RASAL2: variants seen among roughly 807,000 people sequenced by gnomAD.
The protein encoded by RASAL2 is RAS protein activator like 2.
A neutral mutation model predicts 128.9 loss-of-function variants in RASAL2; 58 were observed. That is an observed-to-expected ratio of 0.45 (90% CI 0.36 to 0.56). The LOEUF is 0.56. RASAL2 is among the 20% of genes least tolerant of loss of function. The pLI is 0.00. For synonymous variants in RASAL2, 561 were observed against 580.8 expected (o/e 0.97, Z 0.49); for missense variants, 1,360 against 1,601.6 (o/e 0.85, Z 2.57).
At chr1:178,218,393 T>G (rs1663497239) in intron 1 of RASAL2, among the ~76,000 whole-genome samples, 1 of 152,136 alleles carries the variant, frequency 6.6e-6, no homozygotes, top group South Asian at 2.1e-4. Flanking sequence ...GGGCTTAATA[T>G]AGTCAGTATG....
intron 3 of RASAL2, among the ~76,000 whole-genome samples, chr1:178,367,221 C>T (rs1671450737): frequency 6.6e-6 from 1 of 152,052 alleles, no homozygotes; most frequent in Non-Finnish European, 1.5e-5. Flanking sequence ...TTACTTTTTC[C>T]CTCTCATTCC....
chr1:178,455,989 G>A (rs906748142), intron 12 of RASAL2, among the ~76,000 whole-genome samples: 4 of 152,198 alleles, frequency 2.6e-5, no homozygotes, highest in Admixed American at 1.3e-4. Context: ...TTTTTAACGG[G>A]CTTTGCTATG....
chr1:178,392,657 A>G (rs1057056739), intron 4 of RASAL2, among the ~76,000 whole-genome samples: 2 of 152,134 alleles, frequency 1.3e-5, no homozygotes, highest in Non-Finnish European at 2.9e-5. Context: ...TGCTGTCACT[A>G]TTCCAACTCA....
At chr1:178,367,578 G>A (rs1437914894) in intron 3 of RASAL2, among the ~76,000 whole-genome samples, 1 of 152,088 alleles carries the variant, frequency 6.6e-6, no homozygotes, top group Non-Finnish European at 1.5e-5. Context: ...GCACATATTA[G>A]CACTGATATT....
chr1:178,285,371 C>T (rs1387831057), intron 2 of RASAL2, among the ~76,000 whole-genome samples: 2 of 151,958 alleles, frequency 1.3e-5, no homozygotes, highest in African/African-American at 2.4e-5. Context: ...CCACCCGCCT[C>T]GGCCTCCCAA....
chr1:178,228,329 C>T (rs891632688), intron 1 of RASAL2, among the ~76,000 whole-genome samples: 2 of 152,104 alleles, frequency 1.3e-5, no homozygotes, highest in Non-Finnish European at 2.9e-5. Flanking sequence ...TGCCTGTAAT[C>T]CCAGCACTTT....
chr1:178,182,094 T>C (rs1307414679), intron 1 of RASAL2, among the ~76,000 whole-genome samples: 1 of 152,196 alleles, frequency 6.6e-6, no homozygotes, highest in African/African-American at 2.4e-5. Context: ...TCTGCACAGA[T>C]TTGTCCACCC....
Position 178,477,501 on chromosome 1 carries a change from T to A in RASAL2, c.*4262T>A, listed in dbSNP as rs1011145057. ...GATAGAATAAATATCTTAGGAGGAGTGAAAGAACCTGAGGAAGAGACACGA... is the reference window on the plus strand; with the variant it reads ...GATAGAATAAATATCTTAGGAGGAGAGAAAGAACCTGAGGAAGAGACACGA... On this transcript the variant is annotated 3_prime_UTR_variant, in exon 18 of 18. Transcript: ENST00000367649. The A allele has an allele frequency of 6.6e-6, 1 of 151,660 alleles. No homozygotes were observed. Among genetic ancestry groups the A allele is most frequent in the Middle Eastern group, 3.2e-3 (1 of 316 alleles). 9.4% of individuals were successfully genotyped at this position (151,660 alleles called of 1,614,324 possible). A position where few individuals can be genotyped will look rare whatever the true frequency, so the allele number is the denominator to read the frequency against.
chr1:178,318,080 A>G (rs1668572665), intron 3 of RASAL2, among the ~76,000 whole-genome samples: 1 of 152,058 alleles, frequency 6.6e-6, no homozygotes, highest in South Asian at 2.1e-4. Flanking sequence ...CAGGTTGTTC[A>G]GTTTCCATGT....
chr1:178,414,156 A>G (rs2102717775), intron 4 of RASAL2, among the ~76,000 whole-genome samples: 1 of 152,338 alleles, frequency 6.6e-6, no homozygotes, highest in South Asian at 2.1e-4. Flanking sequence ...CCTAAATTGA[A>G]AAGTATTTAA....
At chr1:178,453,848 G>A (rs1235338978) in intron 11 of RASAL2, among the ~76,000 whole-genome samples, 2 of 152,208 alleles carry the variant, frequency 1.3e-5, no homozygotes, top group East Asian at 3.9e-4. Context: ...TCTAGTATAA[G>A]TGGTGGCTTT....
At chr1:178,252,188 G>C (rs1024153144) in intron 1 of RASAL2, among the ~76,000 whole-genome samples, 10 of 151,890 alleles carry the variant, frequency 6.6e-5, no homozygotes, top group African/African-American at 1.9e-4. Flanking sequence ...TAATTCTGAG[G>C]AATTTAATTC....
intron 1 of RASAL2, among the ~76,000 whole-genome samples, chr1:178,118,324 A>G (rs1046773720): frequency 6.6e-6 from 1 of 152,116 alleles, no homozygotes; most frequent in African/African-American, 2.4e-5. Context: ...TTTATTGTAT[A>G]CTTTATTTCT....
At chr1:178,299,012 T>C (rs1465957925) in intron 2 of RASAL2, among the ~76,000 whole-genome samples, 1 of 152,134 alleles carries the variant, frequency 6.6e-6, no homozygotes, top group Non-Finnish European at 1.5e-5. Context: ...GTTATTAGTA[T>C]TAGAGATTTT....
intron 1 of RASAL2, among the ~76,000 whole-genome samples, chr1:178,182,953 C>T (rs1473271372): frequency 4.6e-5 from 7 of 152,102 alleles, no homozygotes; most frequent in Admixed American, 2.6e-4. Context: ...CTAGAACCTT[C>T]GCATGAGCAG....
intron 1 of RASAL2, among the ~76,000 whole-genome samples, chr1:178,188,353 C>T (rs929003551): frequency 2.0e-5 from 3 of 152,110 alleles, no homozygotes; most frequent in Non-Finnish European, 4.4e-5. Flanking sequence ...CAAAACATGA[C>T]TCCTGCTTAA....
chr1:178,190,914 G>C (rs1662472766), intron 1 of RASAL2, among the ~76,000 whole-genome samples: 1 of 152,136 alleles, frequency 6.6e-6, no homozygotes, highest in South Asian at 2.1e-4. Context: ...ATGCCAAAGA[G>C]ATGTAAGGCT....
chr1:178,324,495 T>G (rs982037055), intron 3 of RASAL2, among the ~76,000 whole-genome samples: 2 of 152,068 alleles, frequency 1.3e-5, no homozygotes, highest in Non-Finnish European at 2.9e-5. Flanking sequence ...TGCCCATTTG[T>G]TTTTTTCCAT....
intron 1 of RASAL2, among the ~76,000 whole-genome samples, chr1:178,104,930 A>G (rs1399479030): frequency 1.3e-5 from 2 of 152,188 alleles, no homozygotes; most frequent in African/African-American, 4.8e-5. Flanking sequence ...CTCCAACTGA[A>G]ATAACTTGAT....
Sources: gnomAD v4.1 joint callset for allele counts (sites outside exome capture counted in the v4.1 genomes callset) on GRCh38, gnomAD v4.1.1 for gene constraint, MANE v1.5 for transcripts, NCBI Gene and HGNC (gene_info 2026-07-23, HGNC 2026-07-21) for gene names.